Variants in ZNF723 observed in about 807,000 individuals in gnomAD.
ZNF723 encodes zinc finger protein 723, also known as zinc finger protein 723, pseudogene.
Under a neutral mutation model 9.4 loss-of-function variants are expected in ZNF723, and 5 were observed. That is an observed-to-expected ratio of 0.53 (90% CI 0.28 to 1.12). ZNF723 has a LOEUF of 1.12. Among genes scored for constraint, ZNF723 ranks in the 50% most tolerant of loss-of-function variants. The pLI, the probability that ZNF723 is intolerant of heterozygous loss-of-function variation, is 0.10. For missense variants in ZNF723, 450 were observed against 501.5 expected (o/e 0.90, Z 0.98); for synonymous variants, 158 against 168.8 (o/e 0.94, Z 0.49).
chr19:22,852,671 C>G (rs1967414216), intron 3 of ZNF723, among the ~76,000 whole-genome samples: 1 of 152,064 alleles, frequency 6.6e-6, no homozygotes, highest in South Asian at 2.1e-4. Context: ...TTTTACTTGT[C>G]AAAAACACAT....
chr19:22,832,770 T>C (rs1967113861), intron 1 of ZNF723, among the ~76,000 whole-genome samples: 1 of 152,214 alleles, frequency 6.6e-6, no homozygotes, highest in African/African-American at 2.4e-5. Context: ...TTCTCTGAAA[T>C]ATTTATGGGA....
intron 3 of ZNF723, among the ~76,000 whole-genome samples, chr19:22,853,502 T>G (rs1383776675): frequency 6.6e-6 from 1 of 152,152 alleles, no homozygotes; most frequent in African/African-American, 2.4e-5. Flanking sequence ...ATTTTTCAGG[T>G]TTTTTTCTAT....
At chr19:22,837,321 A>G (rs1053677777) in intron 1 of ZNF723, among the ~76,000 whole-genome samples, 1 of 151,740 alleles carries the variant, frequency 6.6e-6, no homozygotes, top group Non-Finnish European at 1.5e-5. Context: ...AGAAAGAAAG[A>G]AAGAAAGGAA....
chr19:22,854,741 C>A (rs1354369535), intron 3 of ZNF723, among the ~76,000 whole-genome samples: 1 of 152,058 alleles, frequency 6.6e-6, no homozygotes, highest in South Asian at 2.1e-4. Flanking sequence ...AAGTGAACTT[C>A]AGCTGAATAC....
At chr19:22,845,907 T>TTTTTTTTTTTTC (rs1967302131) in intron 1 of ZNF723, among the ~76,000 whole-genome samples, 1 of 142,232 alleles carries the variant, frequency 7.0e-6, no homozygotes, top group Admixed American at 7.1e-5. Context: ...TTTTTTTTTT[T>TTTTTTTTTTTTC]AGCTAAACAC....
intron 3 of ZNF723, among the ~76,000 whole-genome samples, chr19:22,855,894 G>A (rs1482427592): frequency 6.6e-6 from 1 of 152,006 alleles, no homozygotes; most frequent in African/African-American, 2.4e-5. Flanking sequence ...ATCTTTGTGT[G>A]TTTCCTAGTT....
At chr19:22,842,294 A>T (rs1410344186) in intron 1 of ZNF723, among the ~76,000 whole-genome samples, 1 of 152,170 alleles carries the variant, frequency 6.6e-6, no homozygotes, top group Non-Finnish European at 1.5e-5. Flanking sequence ...GGCATGAGCC[A>T]CTGCGCCTGG....
chr19:22,819,567 C>G, the ZNF723 span, among the ~76,000 whole-genome samples: 8 of 152,220 alleles, frequency 5.3e-5, no homozygotes, highest in Non-Finnish European at 8.8e-5. Flanking sequence ...GCTCTCATAA[C>G]TGACCCCTGC....
intron 1 of ZNF723, among the ~76,000 whole-genome samples, chr19:22,839,155 A>G (rs1967206921): frequency 6.6e-6 from 1 of 152,166 alleles, no homozygotes; most frequent in Non-Finnish European, 1.5e-5. Context: ...GGCATGAGCC[A>G]CCGCCCTTCT....
At chr19:22,812,219 C>T in the ZNF723 span, among the ~76,000 whole-genome samples, 2 of 152,308 alleles carry the variant, frequency 1.3e-5, no homozygotes, top group Middle Eastern at 3.4e-3. Flanking sequence ...GATCCACCTG[C>T]CTCAGCCTCC....
upstream of ZNF723, among the ~76,000 whole-genome samples, chr19:22,827,430 T>TTTGTTTTG (rs1226908711): frequency 6.4e-5 from 8 of 124,608 alleles, no homozygotes; most frequent in African/African-American, 3.3e-4. Context: ...CAACTATTTT[T>TTTGTTTTG]TTTTTTTGTT....
intron 3 of ZNF723, among the ~76,000 whole-genome samples, chr19:22,856,409 C>T (rs891088080): frequency 3.3e-5 from 5 of 152,086 alleles, no homozygotes; most frequent in African/African-American, 1.2e-4. Context: ...CAATTTAGGA[C>T]ATTATTAAAA....
rs549302855 is a variant in ZNF723, at chr19:22,834,570, G to A, written c.3+2188G>A. Among the ~76,000 whole-genome samples, 8 of 152,132 alleles carry A rather than the reference G, an allele frequency of 5.3e-5. No homozygotes were observed. The South Asian group carries it at 1.7e-3, about 32-fold the overall frequency. On this transcript the variant is annotated intron_variant, in intron 1 of 3. Transcript: ENST00000600766. ...CTGCTACAGTGTCTAGGTAATATCC[G>A]CTCCTGGGTCGTTTTCTGCCATAGG...
chr19:22,835,066 G>GTTT (rs1967148443), intron 1 of ZNF723, among the ~76,000 whole-genome samples: 1 of 27,728 alleles, frequency 3.6e-5, no homozygotes, highest in Admixed American at 5.8e-4. Context: ...TTGTTTGTTG[G>GTTT]TTGTTTTTTT....
intron 1 of ZNF723, among the ~76,000 whole-genome samples, chr19:22,838,542 A>G (rs1967198430): frequency 1.3e-5 from 2 of 150,522 alleles, no homozygotes; most frequent in African/African-American, 4.9e-5. Context: ...ACAAAGCTAG[A>G]CTCTGTCTCA....
intron 1 of ZNF723, among the ~76,000 whole-genome samples, chr19:22,842,758 A>G (rs1967264817): frequency 6.6e-6 from 1 of 152,216 alleles, no homozygotes; most frequent in Admixed American, 6.5e-5. Context: ...ATGAAGAGCC[A>G]GGTTGATCCC....
chr19:22,814,980 C>T, the ZNF723 span, among the ~76,000 whole-genome samples: 1 of 151,984 alleles, frequency 6.6e-6, no homozygotes, highest in African/African-American at 2.4e-5. Flanking sequence ...ATTTTTCTCT[C>T]CTACCTGGAC....
the ZNF723 span, among the ~76,000 whole-genome samples, chr19:22,817,123 G>A: frequency 6.6e-6 from 1 of 152,352 alleles, no homozygotes; most frequent in East Asian, 1.9e-4. Context: ...CAACAGCTAG[G>A]TGATGCAACT....
At chr19:22,841,172 G>C (rs1228637673) in intron 1 of ZNF723, among the ~76,000 whole-genome samples, 3 of 152,254 alleles carry the variant, frequency 2.0e-5, no homozygotes, top group Non-Finnish European at 4.4e-5. Flanking sequence ...TTCTGTAGGA[G>C]AGTGGGAGCC....
Sources: gnomAD v4.1 joint callset for allele counts (sites outside exome capture counted in the v4.1 genomes callset) on GRCh38, gnomAD v4.1.1 for gene constraint, MANE v1.5 for transcripts, NCBI Gene and HGNC (gene_info 2026-07-23, HGNC 2026-07-21) for gene names.